The following PHEX variants were observed in gnomAD, a reference collection of about 807,000 sequenced individuals.
PHEX encodes phosphate regulating endopeptidase X-linked.
A neutral mutation model predicts 68.0 loss-of-function variants in PHEX; 16 were observed. The observed-to-expected ratio is 0.24, with a 90% CI of 0.16 to 0.36. The LOEUF (loss-of-function observed/expected upper bound fraction) is 0.36, where lower values mean the gene tolerates loss of function less well. PHEX is among the 10% of genes least tolerant of loss of function. The pLI is 1.00. For missense variants in PHEX, 480 were observed against 575.5 expected, an observed-to-expected ratio of 0.83 and a Z score of 1.70; for synonymous variants, 208 against 205.1, an observed-to-expected ratio of 1.01 and a Z score of -0.12.
At chrX:22,079,646 A>C (rs1157627745) in intron 5 of PHEX, among the ~76,000 whole-genome samples, 1 of 111,320 alleles carries the variant, frequency 9.0e-6, no homozygotes, top group Non-Finnish European at 1.9e-5. Flanking sequence ...AATAAAAATC[A>C]CAGGTGAACT....
At chrX:22,122,776 G>A (rs1191296083) in intron 11 of PHEX, among the ~76,000 whole-genome samples, 2 of 110,634 alleles carry the variant, frequency 1.8e-5, no homozygotes, top group Non-Finnish European at 3.8e-5. Flanking sequence ...GGAATGACTC[G>A]GCTCTGCTTC....
At chrX:22,081,707 T>C (rs752001889) in intron 5 of PHEX, among the ~76,000 whole-genome samples, 1 of 111,716 alleles carries the variant, frequency 9.0e-6, no homozygotes, top group South Asian at 3.7e-4. Context: ...AGCGTACTTC[T>C]GCAAAGCTCC....
intron 3 of PHEX, among the ~76,000 whole-genome samples, chrX:22,073,111 G>C (rs1163093913): frequency 9.0e-6 from 1 of 111,671 alleles, no homozygotes; most frequent in Non-Finnish European, 1.9e-5. Context: ...AGTGTCTTAG[G>C]TTAGCATAAG....
chrX:22,061,899 G>A (rs926372535), intron 3 of PHEX, among the ~76,000 whole-genome samples: 3 of 111,819 alleles, frequency 2.7e-5, no homozygotes, highest in Admixed American at 9.6e-5. Context: ...AAGGAAAGAG[G>A]TTTAATTGAC....
intron 9 of PHEX, among the ~76,000 whole-genome samples, chrX:22,104,419 G>A (rs756073294): frequency 1.8e-5 from 2 of 110,084 alleles, no homozygotes; most frequent in East Asian, 5.7e-4. Context: ...GGCTGCCTGT[G>A]GGGAACAAGA....
chrX:22,082,559 G>T (rs1929439622), intron 5 of PHEX, among the ~76,000 whole-genome samples: 1 of 111,882 alleles, frequency 8.9e-6, no homozygotes, highest in South Asian at 3.7e-4. Context: ...GGGGTTGTTT[G>T]GTTTTTGCTT....
chrX:22,178,415 T>C (rs771810050), intron 14 of PHEX, 39 bp downstream of exon 14: 5 of 828,656 alleles, frequency 6.0e-6, no homozygotes, highest in South Asian at 2.1e-5. Context: ...GATAAATACA[T>C]TGGTGAGAAG....
Position 22,214,442 on chromosome X carries a change from A to C in PHEX, c.1700+1484A>C, listed in dbSNP as rs760417396. Among the ~76,000 whole-genome samples the C allele has an allele frequency of 1.4e-4, 8 of 58,287 alleles. No homozygotes were observed. In the South Asian group the frequency reaches 4.1e-3, roughly 30 times the overall value. The allele number at this position is 58,287 out of a possible 115,157, so 50.6% of individuals were successfully genotyped here. On this transcript the variant is annotated intron_variant, in intron 16 of 21. Transcript: ENST00000379374. ...ATATTCACAGGTTCCAAAGATTAGCAATATGGACATCTTTTGTAGGCCATT... is the reference window on the plus strand; with the variant it reads ...ATATTCACAGGTTCCAAAGATTAGCCATATGGACATCTTTTGTAGGCCATT...
chrX:22,045,414 A>T (rs1362246218), intron 2 of PHEX, among the ~76,000 whole-genome samples: 1 of 112,220 alleles, frequency 8.9e-6, no homozygotes, highest in Non-Finnish European at 1.9e-5. Context: ...TAAAAAAATC[A>T]ATTGGTACAT....
At chrX:22,062,875 C>T (rs1328374116) in intron 3 of PHEX, among the ~76,000 whole-genome samples, 2 of 111,144 alleles carry the variant, frequency 1.8e-5, no homozygotes, top group Non-Finnish European at 3.8e-5. Flanking sequence ...ATTCTCGTCC[C>T]TCAACCTCCC....
chrX:22,121,728 C>T (rs1340169371), intron 11 of PHEX, among the ~76,000 whole-genome samples: 1 of 112,406 alleles, frequency 8.9e-6, no homozygotes. Flanking sequence ...TCACTAATTT[C>T]TCCTGCACTC....
chrX:22,165,359 A>G (rs977497327), intron 12 of PHEX, among the ~76,000 whole-genome samples: 2 of 111,790 alleles, frequency 1.8e-5, no homozygotes, highest in African/African-American at 3.3e-5. Flanking sequence ...TGAGAGTCCA[A>G]TTTCAGGAGA....
At chrX:22,035,341 G>A (rs1926960142) in intron 1 of PHEX, among the ~76,000 whole-genome samples, 1 of 111,303 alleles carries the variant, frequency 9.0e-6, no homozygotes, top group Non-Finnish European at 1.9e-5. Flanking sequence ...CAGATGCACT[G>A]GCTGGCAAAC....
intron 13 of PHEX, chrX:22,171,456 C>T (rs965054330): frequency 9.1e-6 from 1 of 110,322 alleles, no homozygotes; most frequent in Non-Finnish European, 1.9e-5. Context: ...TTCTCTCCCC[C>T]TCAAGCCCCG....
In PHEX at chrX:22,228,733, A is replaced by ACTTT. The variant is rs59284478; in HGVS notation, c.2070+1122_2070+1123insCTTT. ...GATGTTTCATACTTTACTTTACTTTAAAAAAAAATTATACTTTAAGTTCTG... is the reference window on the plus strand; with the variant it reads ...GATGTTTCATACTTTACTTTACTTTACTTTAAAAAAAATTATACTTTAAGTTCTG... On this transcript the variant is annotated intron_variant, in intron 20 of 21. Coordinates refer to ENST00000379374, the MANE Select transcript of PHEX (RefSeq NM_000444.6). Among the ~76,000 whole-genome samples the ACTTT allele has an allele frequency of 3.8e-3, 409 of 106,753 alleles. 2 individuals carry two copies. Among genetic ancestry groups the ACTTT allele is most frequent in the African/African-American group, 0.013 (393 of 29,689 alleles). The allele number at this position is 106,753 out of a possible 115,157, so 92.7% of individuals were successfully genotyped here.
At chrX:22,121,470 A>T (rs1009076556) in intron 11 of PHEX, among the ~76,000 whole-genome samples, 2 of 111,302 alleles carry the variant, frequency 1.8e-5, no homozygotes, top group Non-Finnish European at 3.8e-5. Context: ...TGGGGGTGGG[A>T]GGCTGGGAGG....
chrX:22,082,726 G>C (rs1205401417), intron 5 of PHEX, among the ~76,000 whole-genome samples: 1 of 111,889 alleles, frequency 8.9e-6, no homozygotes, highest in Non-Finnish European at 1.9e-5. Context: ...AGTCCCGTTT[G>C]TCATTTTTTG....
Position 22,148,480 on chromosome X carries a change from G to T in PHEX, c.1404+14856G>T, listed in dbSNP as rs748264471. Among the ~76,000 whole-genome samples the T allele has an allele frequency of 1.2e-3, 137 of 110,636 alleles. 1 individual carries two copies. Among genetic ancestry groups the T allele is most frequent in the Non-Finnish European group, 1.2e-3 (61 of 52,838 alleles). ...CATCACTTCACAAACTTATTTTTTTGGTAAGAACATTAAAAATCTATTATT... is the reference window on the plus strand; with the variant it reads ...CATCACTTCACAAACTTATTTTTTTTGTAAGAACATTAAAAATCTATTATT... On this transcript the variant is annotated intron_variant, in intron 12 of 21. Coordinates refer to ENST00000379374, the MANE Select transcript of PHEX (RefSeq NM_000444.6).
chrX:22,165,501 C>T (rs771455227), intron 12 of PHEX, among the ~76,000 whole-genome samples: 19 of 110,960 alleles, frequency 1.7e-4, no homozygotes, highest in Middle Eastern at 4.6e-3. Flanking sequence ...GAGGCAGAGG[C>T]GGAGGCGGAG....
Sources: allele counts gnomAD v4.1 joint callset (sites outside exome capture counted in the v4.1 genomes callset), GRCh38; gene constraint gnomAD v4.1.1; transcripts MANE v1.5; gene names NCBI Gene and HGNC (gene_info 2026-07-23, HGNC 2026-07-21).